The following CDK17 variants were observed in gnomAD, a reference collection of about 807,000 sequenced individuals.
CDK17 encodes the protein cyclin-dependent kinase 17.
In CDK17, 24 loss-of-function variants were observed where a neutral mutation model predicts 77.6. That is an observed-to-expected ratio of 0.31 (90% CI 0.22 to 0.44). The LOEUF (loss-of-function observed/expected upper bound fraction) is 0.44, where lower values mean the gene tolerates loss of function less well. CDK17 is among the 20% of genes least tolerant of loss of function. CDK17 has a pLI of 1.00. For synonymous variants in CDK17, 203 were observed against 210.4 expected (o/e 0.96, Z 0.30); for missense variants, 429 against 622.5 (o/e 0.69, Z 3.31).
At chr12:96,335,455 C>T (rs1465669707) in intron 1 of CDK17, among the ~76,000 whole-genome samples, 1 of 152,142 alleles carries the variant, frequency 6.6e-6, no homozygotes, top group African/African-American at 2.4e-5. Flanking sequence ...AAACGAAAGC[C>T]AAATTAGCGG....
intron 1 of CDK17, among the ~76,000 whole-genome samples, chr12:96,365,386 A>G (rs556342412): frequency 9.8e-5 from 15 of 152,352 alleles, no homozygotes; most frequent in Non-Finnish European, 4.4e-5. Context: ...AGGAGAAAAC[A>G]AAAGCTCAAA....
intron 1 of CDK17, among the ~76,000 whole-genome samples, chr12:96,350,307 C>T (rs1364198532): frequency 6.6e-6 from 1 of 150,878 alleles, no homozygotes; most frequent in East Asian, 1.9e-4. Flanking sequence ...TATGCCACTG[C>T]ACTCCAGCCT....
In CDK17 at chr12:96,279,060, A is replaced by G. The variant is rs1403650944; in HGVS notation, c.*1182T>C. 2.0e-5 allele frequency: 3 copies of G among 152,630 alleles called. No homozygotes were observed. The highest frequency in any genetic ancestry group is 4.8e-5 in the African/African-American group (2 of 41,460). The allele number at this position is 152,630 out of a possible 1,614,324, so 9.5% of individuals were successfully genotyped here. On this transcript the variant is annotated 3_prime_UTR_variant, in exon 17 of 17. Transcript: ENST00000261211. The stretch of plus-strand genomic sequence containing the variant: ...TACCAATTAAGATTTATAGTTTGTA[A>G]GATGCACTAAACAAATAGTCCTTAA...
In CDK17 at chr12:96,400,244, C is replaced by T. The variant is rs1283027407; in HGVS notation, c.-288G>A. 1 of 393,792 alleles carries T rather than the reference C, an allele frequency of 2.5e-6. No individual in the cohort carries two copies. Among genetic ancestry groups the T allele is most frequent in the East Asian group, 3.6e-5 (1 of 27,766 alleles). The allele number at this position is 393,792 out of a possible 1,614,324, so 24.4% of individuals were successfully genotyped here. ...ACATGGCTCCCGCGCCGACGAGCCGCGCGGACGGCCCACTAATCCCCTCGG... is the reference window on the plus strand; with the variant it reads ...ACATGGCTCCCGCGCCGACGAGCCGTGCGGACGGCCCACTAATCCCCTCGG... On this transcript the variant is annotated 5_prime_UTR_variant, in exon 1 of 17. Coordinates refer to ENST00000261211, the MANE Select transcript of CDK17 (RefSeq NM_002595.5).
intron 1 of CDK17, among the ~76,000 whole-genome samples, chr12:96,351,760 A>G (rs1953316348): frequency 6.6e-6 from 1 of 152,232 alleles, no homozygotes; most frequent in Admixed American, 6.5e-5. Context: ...AATATGGTCA[A>G]TATTTCATTT....
chr12:96,349,382 G>T (rs565685294), intron 1 of CDK17, among the ~76,000 whole-genome samples: 5 of 152,060 alleles, frequency 3.3e-5, no homozygotes, highest in South Asian at 2.1e-4. Flanking sequence ...AAACCCAGGA[G>T]GGGGAGGTTG....
intron 5 of CDK17, among the ~76,000 whole-genome samples, chr12:96,306,074 G>A (rs142605719): frequency 2.0e-5 from 3 of 152,210 alleles, no homozygotes; most frequent in Non-Finnish European, 4.4e-5. Flanking sequence ...CAGTAAGAGA[G>A]GAAGAGTTAA....
intron 9 of CDK17, among the ~76,000 whole-genome samples, chr12:96,296,560 TATTTTCAG>T (rs1192282235): frequency 1.3e-5 from 2 of 152,238 alleles, no homozygotes; most frequent in African/African-American, 4.8e-5. Flanking sequence ...TGCGACAGCC[TATTTTCAG>T]AATAGGTTCT....
intron 4 of CDK17, 87 bp from the exon 5 acceptor site, chr12:96,311,264 T>G: frequency 8.9e-7 from 1 of 1,119,702 alleles, no homozygotes. Context: ...TATTTCTTAG[T>G]GATAAGTAAT....
intron 1 of CDK17, among the ~76,000 whole-genome samples, chr12:96,370,712 T>C (rs1953676787): frequency 6.6e-6 from 1 of 152,230 alleles, no homozygotes; most frequent in African/African-American, 2.4e-5. Flanking sequence ...CAAAAGCAGA[T>C]GTGTGAATCC....
intron 1 of CDK17, among the ~76,000 whole-genome samples, chr12:96,384,488 A>G (rs1953937429): frequency 6.6e-6 from 1 of 152,238 alleles, no homozygotes; most frequent in African/African-American, 2.4e-5. Flanking sequence ...TCACAATAGC[A>G]AAGACATGGA....
chr12:96,282,258 A>G (rs1565801276), intron 15 of CDK17: 1 of 345,188 alleles, frequency 2.9e-6, no homozygotes, highest in East Asian at 4.6e-5. Flanking sequence ...CTAAAGTCCA[A>G]TAAGATTAAT....
intron 2 of CDK17, among the ~76,000 whole-genome samples, chr12:96,327,371 G>A (rs1952904539): frequency 6.6e-6 from 1 of 151,990 alleles, no homozygotes; most frequent in Non-Finnish European, 1.5e-5. Flanking sequence ...AGTAACAAAT[G>A]TTGGTGGCTT....
intron 1 of CDK17, among the ~76,000 whole-genome samples, chr12:96,352,247 G>T (rs959208718): frequency 1.2e-4 from 19 of 152,172 alleles, no homozygotes; most frequent in Non-Finnish European, 2.9e-5. Flanking sequence ...ACCACAGAAT[G>T]CTGAGGACAA....
At chr12:96,346,183 T>C (rs1357654027) in intron 1 of CDK17, among the ~76,000 whole-genome samples, 1 of 151,896 alleles carries the variant, frequency 6.6e-6, no homozygotes, top group Non-Finnish European at 1.5e-5. Context: ...CCAGGTGCAG[T>C]GGCTCACGCC....
chr12:96,340,026 A>G (rs1294062419), intron 1 of CDK17, among the ~76,000 whole-genome samples: 1 of 152,110 alleles, frequency 6.6e-6, no homozygotes, highest in Non-Finnish European at 1.5e-5. Context: ...AAAGTTTTCA[A>G]AAAATATGCC....
intron 1 of CDK17, among the ~76,000 whole-genome samples, chr12:96,356,467 TTG>T (rs1953396102): frequency 6.6e-6 from 1 of 152,144 alleles, no homozygotes; most frequent in Non-Finnish European, 1.5e-5. Context: ...TAGCTAATAT[TTG>T]TTTTTGTAGA....
intron 1 of CDK17, 135 bp from the exon 2 acceptor site, chr12:96,335,000 A>C: frequency 1.5e-6 from 1 of 682,744 alleles, no homozygotes; most frequent in Non-Finnish European, 2.7e-6. Context: ...ACATCACCAA[A>C]TCCAACCCCT....
intron 1 of CDK17, among the ~76,000 whole-genome samples, chr12:96,343,536 C>T (rs1953154987): frequency 6.6e-6 from 1 of 152,204 alleles, no homozygotes; most frequent in Non-Finnish European, 1.5e-5. Context: ...GGGAGGCGCA[C>T]CTGCATCTAC....
Sources: gnomAD v4.1 joint callset for allele counts (sites outside exome capture counted in the v4.1 genomes callset) on GRCh38, gnomAD v4.1.1 for gene constraint, MANE v1.5 for transcripts, NCBI Gene and HGNC (gene_info 2026-07-23, HGNC 2026-07-21) for gene names.